Variants in TSPAN9 observed in about 807,000 individuals in gnomAD.
TSPAN9 encodes the protein tetraspanin 9.
Under a neutral mutation model 31.0 loss-of-function variants are expected in TSPAN9, and 16 were observed. That is an observed-to-expected ratio of 0.52 (90% CI 0.35 to 0.78). TSPAN9 has a LOEUF of 0.78. TSPAN9 is among the 30% of genes least tolerant of loss of function. The probability of loss-of-function intolerance (pLI) is 0.01; values close to 1 mark genes in which losing one functional copy is unlikely to be tolerated. For missense variants in TSPAN9, 272 were observed against 312.5 expected, an observed-to-expected ratio of 0.87 and a Z score of 0.98; for synonymous variants, 145 against 121.6, an observed-to-expected ratio of 1.19 and a Z score of -1.27.
chr12:3,106,994 G>A (rs2153964945), intron 2 of TSPAN9, among the ~76,000 whole-genome samples: 1 of 152,238 alleles, frequency 6.6e-6, no homozygotes, highest in African/African-American at 2.4e-5. Flanking sequence ...TTTTGGGAAG[G>A]AAAGGCTCCC....
At chr12:3,135,465 G>A (rs920933714) in intron 2 of TSPAN9, among the ~76,000 whole-genome samples, 6 of 152,150 alleles carry the variant, frequency 3.9e-5, no homozygotes, top group Non-Finnish European at 8.8e-5. Context: ...CAGGCTTTTG[G>A]TGTTCTGTGG....
intron 2 of TSPAN9, among the ~76,000 whole-genome samples, chr12:3,165,778 G>T (rs540170547): frequency 2.0e-5 from 3 of 152,194 alleles, no homozygotes; most frequent in Non-Finnish European, 4.4e-5. Context: ...TTATGATGGC[G>T]CCTAGTATTC....
At chr12:3,159,627 G>A (rs1490328901) in intron 2 of TSPAN9, among the ~76,000 whole-genome samples, 1 of 152,184 alleles carries the variant, frequency 6.6e-6, no homozygotes, top group Non-Finnish European at 1.5e-5. Flanking sequence ...AGCACTTTGG[G>A]ATGCCGAGGC....
intron 2 of TSPAN9, among the ~76,000 whole-genome samples, chr12:3,183,245 T>C (rs2098359385): frequency 6.6e-6 from 1 of 152,160 alleles, no homozygotes; most frequent in Non-Finnish European, 1.5e-5. Context: ...GCTAGGCACA[T>C]CTGGAATATG....
At chr12:3,264,121 C>G (rs1392594141) in intron 3 of TSPAN9, among the ~76,000 whole-genome samples, 2 of 152,150 alleles carry the variant, frequency 1.3e-5, no homozygotes, top group African/African-American at 4.8e-5. Context: ...TTGCTGAGAG[C>G]CTGACTGTAC....
At chr12:3,193,437 G>A (rs893717872) in intron 2 of TSPAN9, among the ~76,000 whole-genome samples, 10 of 152,152 alleles carry the variant, frequency 6.6e-5, no homozygotes, top group Non-Finnish European at 1.0e-4. Context: ...GTGTTTCCTC[G>A]GCGCTAAGCT....
chr12:3,244,968 T>C (rs2098398705), intron 3 of TSPAN9, among the ~76,000 whole-genome samples: 1 of 152,200 alleles, frequency 6.6e-6, no homozygotes, highest in African/African-American at 2.4e-5. Flanking sequence ...TCTCTCACTC[T>C]GTGCGTTAGC....
intron 2 of TSPAN9, among the ~76,000 whole-genome samples, chr12:3,196,151 G>A (rs1299343189): frequency 6.6e-6 from 1 of 152,314 alleles, no homozygotes; most frequent in Non-Finnish European, 1.5e-5. Context: ...GTGAGAGAGG[G>A]AGGAGGAGGG....
At chr12:3,205,352 C>T (rs1412460725) in intron 3 of TSPAN9, among the ~76,000 whole-genome samples, 1 of 152,202 alleles carries the variant, frequency 6.6e-6, no homozygotes, top group Admixed American at 6.5e-5. Context: ...CGCAGGGTGG[C>T]CCCGGGCAGA....
intron 3 of TSPAN9, among the ~76,000 whole-genome samples, chr12:3,218,063 G>T (rs1348925238): frequency 1.3e-5 from 2 of 152,092 alleles, no homozygotes; most frequent in Non-Finnish European, 2.9e-5. Flanking sequence ...TACCCTCTGG[G>T]GTGGCATAGC....
At chr12:3,151,952 C>G in intron 2 of TSPAN9, among the ~76,000 whole-genome samples, 1 of 152,068 alleles carries the variant, frequency 6.6e-6, no homozygotes, top group East Asian at 1.9e-4. Flanking sequence ...CACAGCCGAT[C>G]TTTGGAATTG....
At chr12:3,194,110 C>G (rs115015965) in intron 2 of TSPAN9, among the ~76,000 whole-genome samples, 1,816 of 152,314 alleles carry the variant, frequency 0.012, 29 homozygotes, top group African/African-American at 0.041. Flanking sequence ...CGCTGGTCTG[C>G]CTTTCCCCTC....
At chr12:3,084,914 T>A (rs2153962092) in intron 2 of TSPAN9, among the ~76,000 whole-genome samples, 1 of 152,310 alleles carries the variant, frequency 6.6e-6, no homozygotes, top group East Asian at 1.9e-4. Context: ...TGAGCCTGCT[T>A]GTGGCAGGAA....
At chr12:3,182,145 C>T (rs79165449) in intron 2 of TSPAN9, among the ~76,000 whole-genome samples, 2,004 of 152,156 alleles carry the variant, frequency 0.013, 44 homozygotes, top group African/African-American at 0.045. Flanking sequence ...TCCTGTGGGG[C>T]GCTACCAACC....
At chr12:3,101,064 T>C (rs74762442) in intron 2 of TSPAN9, among the ~76,000 whole-genome samples, 2,564 of 152,290 alleles carry the variant, frequency 0.017, 76 homozygotes, top group African/African-American at 0.056. Flanking sequence ...CATTGGCAAG[T>C]CTGAAGTCAT....
At chr12:3,132,734 C>T (rs2153967101) in intron 2 of TSPAN9, among the ~76,000 whole-genome samples, 1 of 152,276 alleles carries the variant, frequency 6.6e-6, no homozygotes, top group East Asian at 1.9e-4. Flanking sequence ...TGACTTTTTC[C>T]TATTCAGTCT....
At position 3,097,904 on chromosome 12, in the gene TSPAN9, CAG is replaced by C. The variant is rs2098309918; in HGVS notation, c.-18+14186_-18+14187del. Among the ~76,000 whole-genome samples the C allele has an allele frequency of 5.9e-5, 9 of 152,352 alleles. No individual in the cohort carries two copies. The South Asian group carries it at 1.9e-3, about 32-fold the overall frequency. Reference sequence around the variant, plus strand: ...GTCAGGCAGAGAAGCCCCTTTCACTCAGTGCACATGAGGGAGACATGTGAGCA... The same window carrying C: ...GTCAGGCAGAGAAGCCCCTTTCACTCTGCACATGAGGGAGACATGTGAGCA... On this transcript the variant is annotated intron_variant, in intron 2 of 8. Transcript: ENST00000011898.
chr12:3,241,204 A>G (rs571108097), intron 3 of TSPAN9, among the ~76,000 whole-genome samples: 1 of 152,348 alleles, frequency 6.6e-6, no homozygotes, highest in Admixed American at 6.5e-5. Flanking sequence ...AGAATTTATA[A>G]TAAAGGACAA....
intron 2 of TSPAN9, among the ~76,000 whole-genome samples, chr12:3,092,204 C>G (rs933416): frequency 1.4e-4 from 21 of 151,964 alleles, no homozygotes; most frequent in African/African-American, 4.8e-4. Flanking sequence ...GGAGACCTGC[C>G]AGGCCCTCCC....
Sources: allele counts gnomAD v4.1 joint callset (sites outside exome capture counted in the v4.1 genomes callset), GRCh38; gene constraint gnomAD v4.1.1; transcripts MANE v1.5; gene names NCBI Gene and HGNC (gene_info 2026-07-23, HGNC 2026-07-21).